Variants in CNNM3 observed in about 807,000 individuals in gnomAD.
CNNM3 encodes the protein cyclin and CBS domain divalent metal cation transport mediator 3.
In CNNM3, 47 loss-of-function variants were observed where a neutral mutation model predicts 57.1. The ratio of observed to expected loss-of-function variants is 0.82; its 90% CI spans 0.65 to 1.05. The LOEUF is 1.05. CNNM3 is among the 50% of genes least tolerant of loss of function. The pLI is 0.00. For synonymous variants in CNNM3, 507 were observed against 478.2 expected (o/e 1.06, Z -0.79); for missense variants, 957 against 973.7 (o/e 0.98, Z 0.23).
rs2079514974 is a variant in CNNM3, at chr2:96,826,837, C to CA, written c.1375dup (p.Thr459AsnfsTer27). On this transcript the variant is annotated frameshift_variant, in exon 3 of 8. Transcript: ENST00000305510. LOFTEE classifies it high-confidence loss of function. The stretch of plus-strand genomic sequence containing the variant: ...CGCCCTCTTCTTCCATCTTAGGAGA[C>CA]ACCGTGGTGAAGAGGAAGCCTGCTT... 1.9e-6 allele frequency: 3 copies of CA among 1,614,048 alleles called. No individual in the cohort carries two copies. The highest frequency in any genetic ancestry group is 2.5e-6 in the Non-Finnish European group (3 of 1,180,010).
intron 1 of CNNM3, among the ~76,000 whole-genome samples, chr2:96,824,296 G>A (rs1304855632): frequency 1.3e-5 from 2 of 152,164 alleles, no homozygotes; most frequent in African/African-American, 2.4e-5. Context: ...ATAGGGTAAG[G>A]TGGAAAATCT....
chr2:96,816,817 G>GGCGCGGCGTTTGGAGCCC lies in CNNM3; in HGVS notation c.549_566dup (p.Leu184_Arg189dup). On this transcript the variant is annotated inframe_insertion, in exon 1 of 8. Coordinates refer to ENST00000305510, the MANE Select transcript of CNNM3 (RefSeq NM_017623.5). The stretch of plus-strand genomic sequence containing the variant: ...GCGGCTCGGAGGCGGAGCGTGCGGC[G>GGCGCGGCGTTTGGAGCCC]GCGCGGCGTTTGGAGCCCGCGCGGC... 2 of 1,030,818 alleles carry GGCGCGGCGTTTGGAGCCC rather than the reference G, an allele frequency of 1.9e-6. No homozygotes were observed. The highest frequency in any genetic ancestry group is 1.7e-5 in the African/African-American group (1 of 57,802). The allele number at this position is 1,030,818 out of a possible 1,614,324, so 63.9% of individuals were successfully genotyped here.
At chr2:96,836,267 A>AGTT (rs941368002), downstream of CNNM3, among the ~76,000 whole-genome samples, 1 of 129,998 alleles carries the variant, frequency 7.7e-6, no homozygotes, top group Non-Finnish European at 1.6e-5. Flanking sequence ...TTTGAGATGT[A>AGTT]GTTTCACTCT....
chr2:96,817,061 G>GCCGTCCTGCTCACTCTGC lies in CNNM3; in HGVS notation c.790_807dup (p.Leu264_Val269dup). ...GCGAGCGCTCGGCCTCAGCCGCCTG[G>GCCGTCCTGCTCACTCTGC]CCGTCCTGCTCACTCTGCCCGTCGC... On this transcript the variant is annotated inframe_insertion, in exon 1 of 8. Transcript: ENST00000305510. 1.5e-6 allele frequency: 2 copies of GCCGTCCTGCTCACTCTGC among 1,370,932 alleles called. No individual in the cohort carries two copies. The highest frequency in any genetic ancestry group is 9.4e-7 in the Non-Finnish European group (1 of 1,063,520). 84.9% of individuals were successfully genotyped at this position (1,370,932 alleles called of 1,614,324 possible).
chr2:96,818,866 A>G (rs2079365233), intron 1 of CNNM3, among the ~76,000 whole-genome samples: 1 of 152,204 alleles, frequency 6.6e-6, no homozygotes, highest in South Asian at 2.1e-4. Flanking sequence ...AGAAGTGGCA[A>G]AGCCCCCTGG....
At chr2:96,822,053 A>G (rs1320447796) in intron 1 of CNNM3, among the ~76,000 whole-genome samples, 1 of 148,106 alleles carries the variant, frequency 6.8e-6, no homozygotes, top group African/African-American at 2.5e-5. Context: ...GCCAGGCTGG[A>G]GTGCAGTGGC....
At chr2:96,828,919 G>A in intron 6 of CNNM3, 77 bp from the exon 7 acceptor site, 1 of 1,584,134 alleles carries the variant, frequency 6.3e-7, no homozygotes, top group Non-Finnish European at 8.6e-7. Flanking sequence ...TCCTCTTCGG[G>A]CACGGTGTCA....
At position 96,819,724 on chromosome 2, in the gene CNNM3, C is replaced by T. The variant is rs768398251; in HGVS notation, c.1225+2222C>T. Among the ~76,000 whole-genome samples the T allele has an allele frequency of 3.1e-4, 47 of 152,214 alleles. 1 individual carries two copies. The Middle Eastern group carries it at 0.02, about 66-fold the overall frequency. The stretch of plus-strand genomic sequence containing the variant: ...TCTGGCTTCAGCTGGCTGCTGCTTT[C>T]AACAGTTGAGCAGTCACCAAGCAGA... On this transcript the variant is annotated intron_variant, in intron 1 of 7. Transcript: ENST00000305510.
chr2:96,830,547 A>T (rs2079584660), intron 7 of CNNM3, among the ~76,000 whole-genome samples: 1 of 152,186 alleles, frequency 6.6e-6, no homozygotes, highest in African/African-American at 2.4e-5. Context: ...AGGGACAGAA[A>T]TCCCACCCTG....
At chr2:96,830,044 C>T (rs1213938787) in intron 7 of CNNM3, among the ~76,000 whole-genome samples, 1 of 152,210 alleles carries the variant, frequency 6.6e-6, no homozygotes, top group Non-Finnish European at 1.5e-5. Flanking sequence ...CCCATCCCCA[C>T]ACTGCAAGGA....
In CNNM3 at chr2:96,817,105, G is replaced by A; in HGVS notation, c.828G>A (p.Leu276=). 2 of 1,341,612 alleles carry A rather than the reference G, an allele frequency of 1.5e-6. No homozygotes were observed. The highest frequency in any genetic ancestry group is 1.9e-6 in the Non-Finnish European group (2 of 1,056,454). The allele number at this position is 1,341,612 out of a possible 1,614,324, so 83.1% of individuals were successfully genotyped here. Residue 276 remains leucine (L), a synonymous_variant, in exon 1 of 8, where the codon CTG becomes CTA. Coordinates refer to ENST00000305510, the MANE Select transcript of CNNM3 (RefSeq NM_017623.5). ...CCGTCGCGCTGCCCGTGGGGCAGCT[G>A]CTGGAGCTGGCGGCGCGGCCCGGGC... ...TLPVALPVGQ[L]LELAARPGRL...
At chr2:96,827,641 C>G (rs2079531345) in intron 3 of CNNM3, 90 bp from the exon 4 acceptor site, 3 of 1,375,124 alleles carry the variant, frequency 2.2e-6, no homozygotes, top group Non-Finnish European at 3.0e-6. Flanking sequence ...CTGGTGGGCA[C>G]AATAACTTTA....
chr2:96,823,404 T>TCCTGG (rs905918917), intron 1 of CNNM3, among the ~76,000 whole-genome samples: 16 of 152,278 alleles, frequency 1.1e-4, no homozygotes, highest in East Asian at 3.9e-4. Context: ...CACTTGGCCT[T>TCCTGG]CCTGGCCTGG....
intron 6 of CNNM3, 43 bp downstream of exon 6, chr2:96,828,743 T>G (rs372006609): frequency 1.7e-5 from 27 of 1,611,600 alleles, no homozygotes; most frequent in Non-Finnish European, 2.0e-5. Context: ...TTAGCCGACT[T>G]TGTGTCACCG....
chr2:96,829,035 C>T lies in CNNM3; in HGVS notation c.1960C>T (p.Arg654Ter), dbSNP rs140443890. The change falls in exon 7 of 8, where the codon CGA (arginine) becomes TGA (stop). Residue 654 changes from arginine to a stop codon, truncating the protein, a stop_gained. Coordinates refer to ENST00000305510, the MANE Select transcript of CNNM3 (RefSeq NM_017623.5). LOFTEE classifies it high-confidence loss of function. ...LQYLNALLAT[R>*]AQNLPQSPEN... ...GTACCTCAATGCACTCCTGGCTACC[C>T]GAGCCCAGAACCTGCCACAGTCCCC... is the stretch of plus-strand genomic sequence containing the variant. 8.1e-6 allele frequency: 13 copies of T among 1,613,924 alleles called. No individual in the cohort carries two copies. Among genetic ancestry groups the T allele is most frequent in the Non-Finnish European group, 1.1e-5 (13 of 1,180,006 alleles).
chr2:96,821,207 T>C (rs2079401505), intron 1 of CNNM3, among the ~76,000 whole-genome samples: 1 of 152,174 alleles, frequency 6.6e-6, no homozygotes, highest in Non-Finnish European at 1.5e-5. Context: ...TTTTCTCTGC[T>C]TCTCTAGTTC....
chr2:96,833,248 G>T lies in CNNM3; in HGVS notation c.*632G>T. On this transcript the variant is annotated 3_prime_UTR_variant, in exon 8 of 8. Transcript: ENST00000305510. The stretch of plus-strand genomic sequence containing the variant: ...TAGCCCTGCTCCCTCCCTGGAGGCT[G>T]CTCTTCTGATTCTGAGAGCTGGCCT... 2.9e-6 allele frequency: 1 copy of T among 344,576 alleles called. No individual in the cohort carries two copies. The highest frequency in any genetic ancestry group is 5.7e-6 in the Non-Finnish European group (1 of 174,620). The allele number at this position is 344,576 out of a possible 1,614,324, so 21.3% of individuals were successfully genotyped here. A position where few individuals can be genotyped will look rare whatever the true frequency, so the allele number is the denominator to read the frequency against.
In CNNM3 at chr2:96,828,785, G is replaced by A. The variant is rs1479185751; in HGVS notation, c.1920+85G>A. On this transcript the variant is annotated intron_variant, in intron 6 of 7. Transcript: ENST00000305510. ...AGACCAGCTGGTCTGAGACTGCCCGGAACAAGGCCTTCCACTCATCCTGAG... is the reference window on the plus strand; with the variant it reads ...AGACCAGCTGGTCTGAGACTGCCCGAAACAAGGCCTTCCACTCATCCTGAG... 1.9e-6 allele frequency: 3 copies of A among 1,565,586 alleles called. No homozygotes were observed. The East Asian group carries it at 6.8e-5, about 35-fold the overall frequency.
chr2:96,829,200 A>C, intron 7 of CNNM3, 66 bp downstream of exon 7: 1 of 1,541,866 alleles, frequency 6.5e-7, no homozygotes, highest in Non-Finnish European at 8.8e-7. Flanking sequence ...ACACACACAG[A>C]CTTGCACTCT....
Sources: allele counts gnomAD v4.1 joint callset (sites outside exome capture counted in the v4.1 genomes callset), GRCh38; gene constraint gnomAD v4.1.1; transcripts MANE v1.5; gene names NCBI Gene and HGNC (gene_info 2026-07-23, HGNC 2026-07-21).